The following RAD21L1 variants were observed in gnomAD, a reference collection of about 807,000 sequenced individuals.
The protein encoded by RAD21L1 is double-strand-break repair protein rad21-like protein 1.
In RAD21L1, 47 loss-of-function variants were observed where a neutral mutation model predicts 69.0. The ratio of observed to expected loss-of-function variants is 0.68; its 90% CI spans 0.54 to 0.87. The LOEUF (loss-of-function observed/expected upper bound fraction) is 0.87, where lower values mean the gene tolerates loss of function less well. Ranked by LOEUF, RAD21L1 falls within the 40% of genes least tolerant of loss-of-function variation. The pLI is 0.00. For missense variants in RAD21L1, 583 were observed against 647.6 expected, an observed-to-expected ratio of 0.90 and a Z score of 1.08; for synonymous variants, 177 against 205.8, an observed-to-expected ratio of 0.86 and a Z score of 1.20.
chr20:1,253,546 C>T (rs556680086), intron 13 of RAD21L1, among the ~76,000 whole-genome samples: 134 of 152,308 alleles, frequency 8.8e-4, no homozygotes, highest in African/African-American at 3.2e-3. Context: ...ATCTGCCCTC[C>T]TCGGCCTCCC....
chr20:1,249,525 G>C (rs993280532), intron 13 of RAD21L1, among the ~76,000 whole-genome samples: 5 of 152,124 alleles, frequency 3.3e-5, no homozygotes, highest in African/African-American at 7.2e-5. Context: ...GTCTTCTCAA[G>C]ATCCAAAATG....
rs62186523 is a variant in RAD21L1, at chr20:1,247,539, G to A, written c.1402-1087G>A. Among the ~76,000 whole-genome samples the A allele has an allele frequency of 9.7e-3, 1,478 of 152,216 alleles. 8 individuals are homozygous for A. Among genetic ancestry groups the A allele is most frequent in the Middle Eastern group, 0.034 (10 of 294 alleles). Reference sequence around the variant, plus strand: ...GAAAACTCTCTAGAATAAAGTGACCGTATTTTCAAATCAGTCTTTTTGGAA... The same window carrying A: ...GAAAACTCTCTAGAATAAAGTGACCATATTTTCAAATCAGTCTTTTTGGAA... On this transcript the variant is annotated intron_variant, in intron 12 of 13. Transcript: ENST00000683101.
At chr20:1,238,620 C>A (rs993167111) in intron 6 of RAD21L1, among the ~76,000 whole-genome samples, 1 of 151,686 alleles carries the variant, frequency 6.6e-6, no homozygotes, top group East Asian at 1.9e-4. Flanking sequence ...ATTTATATTC[C>A]CCTGCTTAAG....
rs768027328 is a variant in RAD21L1, at chr20:1,228,572, C to T, written c.119C>T (p.Thr40Ile). 2 of 1,543,194 alleles carry T rather than the reference C, an allele frequency of 1.3e-6. No individual in the cohort carries two copies. The highest frequency in any genetic ancestry group is 1.7e-6 in the Non-Finnish European group (2 of 1,143,744). Residue 40 changes from threonine (T) to isoleucine (I), a missense_variant, in exon 2 of 14, where the codon ACC becomes ATC. Transcript: ENST00000683101. ...GTATTTGAATGTAATCTAGAGATAA[C>T]CATTGAAAAAATTCTTTCACCCAAG... ...AHVFECNLEITIEKILSPKVK... is the reference protein window; with the variant it reads ...AHVFECNLEIIIEKILSPKVK...
intron 5 of RAD21L1, among the ~76,000 whole-genome samples, chr20:1,237,516 T>TC (rs2122808828): frequency 6.6e-6 from 1 of 151,426 alleles, no homozygotes; most frequent in Non-Finnish European, 1.5e-5. Context: ...GGTTTGTCTT[T>TC]TTTTTTTTTT....
At chr20:1,232,348 G>A (rs781431021) in intron 4 of RAD21L1, among the ~76,000 whole-genome samples, 1 of 152,104 alleles carries the variant, frequency 6.6e-6, no homozygotes, top group Non-Finnish European at 1.5e-5. Context: ...GAGGAGTGAC[G>A]GGATCTGACT....
intron 1 of RAD21L1, among the ~76,000 whole-genome samples, chr20:1,227,259 A>C (rs2087284382): frequency 1.3e-5 from 2 of 152,258 alleles, no homozygotes; most frequent in African/African-American, 4.8e-5. Flanking sequence ...CCATTTAAAA[A>C]GATAAATAGG....
chr20:1,240,130 T>C (rs1484586115), intron 7 of RAD21L1, among the ~76,000 whole-genome samples, 191 bp from the exon 8 acceptor site: 1 of 152,226 alleles, frequency 6.6e-6, no homozygotes, highest in African/African-American at 2.4e-5. Flanking sequence ...ACTCGAATAC[T>C]GTGGGTCCCA....
intron 6 of RAD21L1, among the ~76,000 whole-genome samples, chr20:1,238,667 C>T (rs970768657): frequency 6.6e-6 from 1 of 152,078 alleles, no homozygotes; most frequent in African/African-American, 2.4e-5. Flanking sequence ...TCAAATACCT[C>T]TACCTATCCT....
chr20:1,250,668 T>A (rs559285018), intron 13 of RAD21L1, among the ~76,000 whole-genome samples: 1 of 152,234 alleles, frequency 6.6e-6, no homozygotes, highest in Non-Finnish European at 1.5e-5. Context: ...AATAAACATA[T>A]ATGTGCATGT....
At chr20:1,249,719 A>G (rs1291918244) in intron 13 of RAD21L1, among the ~76,000 whole-genome samples, 1 of 152,250 alleles carries the variant, frequency 6.6e-6, no homozygotes, top group Non-Finnish European at 1.5e-5. Flanking sequence ...TTACTATAGA[A>G]GAAGAGAATG....
chr20:1,245,997 G>T (rs906424519), intron 11 of RAD21L1, among the ~76,000 whole-genome samples: 3 of 152,084 alleles, frequency 2.0e-5, no homozygotes, highest in Non-Finnish European at 4.4e-5. Flanking sequence ...GGGCATGCAA[G>T]TTCTTCCTTT....
chr20:1,226,553 T>A (rs181708836), intron 1 of RAD21L1, among the ~76,000 whole-genome samples: 24 of 151,684 alleles, frequency 1.6e-4, no homozygotes, highest in Non-Finnish European at 2.8e-4. Flanking sequence ...GGCTCAGCCC[T>A]CTCTCCCCAC....
At chr20:1,238,331 C>A in intron 6 of RAD21L1, 117 bp downstream of exon 6, 3 of 714,204 alleles carry the variant, frequency 4.2e-6, no homozygotes, top group South Asian at 4.9e-5. Context: ...TTATGTAGGT[C>A]AATACTTTTT....
intron 13 of RAD21L1, 48 bp downstream of exon 13, chr20:1,248,751 TA>T: frequency 9.1e-7 from 1 of 1,095,278 alleles, no homozygotes; most frequent in Non-Finnish European, 1.3e-6. Flanking sequence ...AAAAAATAAG[TA>T]AATACTGACT....
At chr20:1,242,593 A>G in intron 8 of RAD21L1, 26 bp from the exon 9 acceptor site, 1 of 1,480,966 alleles carries the variant, frequency 6.8e-7, no homozygotes, top group Non-Finnish European at 9.2e-7. Context: ...ATAACCAATC[A>G]CATTTGTGCT....
At chr20:1,241,079 A>G (rs1177449191) in intron 8 of RAD21L1, among the ~76,000 whole-genome samples, 1 of 152,194 alleles carries the variant, frequency 6.6e-6, no homozygotes. Flanking sequence ...CCTCTGTATC[A>G]CTTGCATTAT....
chr20:1,240,631 T>C (rs1354104273), intron 8 of RAD21L1, among the ~76,000 whole-genome samples, 197 bp downstream of exon 8: 1 of 152,096 alleles, frequency 6.6e-6, no homozygotes, highest in Non-Finnish European at 1.5e-5. Context: ...AACTCCAGAA[T>C]TGGGGGTTGG....
intron 4 of RAD21L1, among the ~76,000 whole-genome samples, chr20:1,233,419 C>A (rs772175322): frequency 9.9e-5 from 15 of 152,076 alleles, no homozygotes; most frequent in African/African-American, 2.9e-4. Flanking sequence ...GGAAGAAAAT[C>A]GAGAAATAGT....
Sources: gnomAD v4.1 joint callset for allele counts (sites outside exome capture counted in the v4.1 genomes callset) on GRCh38, gnomAD v4.1.1 for gene constraint, MANE v1.5 for transcripts, NCBI Gene and HGNC (gene_info 2026-07-23, HGNC 2026-07-21) for gene names.